The following FER variants were observed in gnomAD, a reference collection of about 807,000 sequenced individuals.
The protein encoded by FER is tyrosine-protein kinase Fer.
FER carries 63 observed loss-of-function variants against 111.0 expected under a neutral mutation model. The ratio of observed to expected loss-of-function variants is 0.57; its 90% CI spans 0.46 to 0.70. The LOEUF is 0.70. Ranked by LOEUF, FER falls within the 30% of genes least tolerant of loss-of-function variation. FER has a pLI of 0.00. For missense variants in FER, 914 were observed against 954.0 expected, an observed-to-expected ratio of 0.96 and a Z score of 0.55; for synonymous variants, 327 against 313.9, an observed-to-expected ratio of 1.04 and a Z score of -0.44.
chr5:108,946,652 T>G (rs1225211523), intron 11 of FER, among the ~76,000 whole-genome samples: 2 of 152,028 alleles, frequency 1.3e-5, no homozygotes, highest in African/African-American at 4.8e-5. Flanking sequence ...AACATTTTGA[T>G]TATAAAATTG....
intron 12 of FER, among the ~76,000 whole-genome samples, chr5:108,955,250 T>C (rs867257546): frequency 3.3e-4 from 50 of 151,772 alleles, no homozygotes; most frequent in African/African-American, 1.2e-3. Context: ...TTATTATAAA[T>C]TTTTTTCTAG....
intron 3 of FER, among the ~76,000 whole-genome samples, chr5:108,799,412 T>A (rs1756392752): frequency 2.0e-5 from 3 of 152,230 alleles, no homozygotes; most frequent in African/African-American, 7.2e-5. Context: ...AAAACTCTGT[T>A]ACCTGTGGAG....
chr5:109,174,699 C>T (rs867668886), intron 17 of FER, among the ~76,000 whole-genome samples: 4 of 152,202 alleles, frequency 2.6e-5, no homozygotes, highest in African/African-American at 9.6e-5. Flanking sequence ...TTTTAGGGGG[C>T]AGGGAGGGAG....
intron 13 of FER, among the ~76,000 whole-genome samples, chr5:108,977,824 T>C (rs916777544): frequency 2.6e-5 from 4 of 152,126 alleles, no homozygotes; most frequent in African/African-American, 9.7e-5. Context: ...GGTCAGACAC[T>C]TGTGAAGCGA....
rs573983511 is a variant in FER, at chr5:108,843,815, C to T, written c.481+8008C>T. On this transcript the variant is annotated intron_variant, in intron 5 of 19. Coordinates refer to ENST00000281092, the MANE Select transcript of FER (RefSeq NM_005246.4). Reference sequence around the variant, plus strand: ...GTGCTAGGATTACAGGTGTGAGCCACCATGCCTGGCTGAAAGTTGAAATTT... The same window carrying T: ...GTGCTAGGATTACAGGTGTGAGCCATCATGCCTGGCTGAAAGTTGAAATTT... 9.9e-5 allele frequency among the ~76,000 whole-genome samples: 15 copies of T among 152,004 alleles called. No homozygotes were observed. The South Asian group carries it at 1.5e-3, about 15-fold the overall frequency.
intron 14 of FER, among the ~76,000 whole-genome samples, chr5:109,043,728 T>C (rs1284579539): frequency 1.3e-5 from 2 of 152,138 alleles, no homozygotes; most frequent in Non-Finnish European, 2.9e-5. Context: ...ATCCCAGCAT[T>C]TTGGAAGGCC....
intron 2 of FER, among the ~76,000 whole-genome samples, chr5:108,786,711 A>T (rs1172875255): frequency 6.6e-6 from 1 of 152,154 alleles, no homozygotes; most frequent in Non-Finnish European, 1.5e-5. Flanking sequence ...TGTGTTAGCC[A>T]GAATGGTCTC....
chr5:109,108,519 T>A (rs556540204), intron 17 of FER, among the ~76,000 whole-genome samples: 1 of 152,214 alleles, frequency 6.6e-6, no homozygotes, highest in Non-Finnish European at 1.5e-5. Flanking sequence ...TCCCTCACAT[T>A]TCATGTCACA....
chr5:108,886,184 G>T (rs538552255), intron 9 of FER, among the ~76,000 whole-genome samples: 1 of 151,740 alleles, frequency 6.6e-6, no homozygotes, highest in African/African-American at 2.4e-5. Flanking sequence ...GAAGTTATGA[G>T]ATTATTTGAA....
chr5:109,143,110 G>T (rs1392142936), intron 17 of FER, among the ~76,000 whole-genome samples: 1 of 152,094 alleles, frequency 6.6e-6, no homozygotes, highest in African/African-American at 2.4e-5. Context: ...TTAAGAAGGA[G>T]TTCAGGGTCA....
intron 17 of FER, among the ~76,000 whole-genome samples, chr5:109,154,141 G>A (rs1218861143): frequency 6.6e-6 from 1 of 151,660 alleles, no homozygotes; most frequent in Non-Finnish European, 1.5e-5. Flanking sequence ...GTTCTGATAA[G>A]TCTCATAATT....
At chr5:109,154,824 G>T (rs1755196242) in intron 17 of FER, among the ~76,000 whole-genome samples, 1 of 151,798 alleles carries the variant, frequency 6.6e-6, no homozygotes, top group Admixed American at 6.6e-5. Context: ...AATAGTGAAA[G>T]ATCCAATATT....
chr5:109,121,799 G>A (rs933214176), intron 17 of FER, among the ~76,000 whole-genome samples: 2 of 152,022 alleles, frequency 1.3e-5, no homozygotes, highest in African/African-American at 4.8e-5. Flanking sequence ...TTCAGAATTT[G>A]GATTTCTTCA....
At chr5:109,129,666 C>T (rs1002012673) in intron 17 of FER, among the ~76,000 whole-genome samples, 1 of 151,980 alleles carries the variant, frequency 6.6e-6, no homozygotes, top group Non-Finnish European at 1.5e-5. Context: ...AGAACACGAA[C>T]AGTAAGTTCA....
At chr5:108,977,948 C>T (rs536467853) in intron 13 of FER, among the ~76,000 whole-genome samples, 3 of 152,090 alleles carry the variant, frequency 2.0e-5, no homozygotes, top group Non-Finnish European at 4.4e-5. Flanking sequence ...TGGGCCCAAG[C>T]GATCCTCCTG....
chr5:109,113,815 AT>A (rs1310358302), intron 17 of FER, among the ~76,000 whole-genome samples: 1 of 152,186 alleles, frequency 6.6e-6, no homozygotes, highest in Non-Finnish European at 1.5e-5. Flanking sequence ...TTACTCATGG[AT>A]AATGATATTT....
intron 9 of FER, among the ~76,000 whole-genome samples, chr5:108,893,573 T>G (rs1748533737): frequency 6.6e-6 from 1 of 152,098 alleles, no homozygotes; most frequent in South Asian, 2.1e-4. Flanking sequence ...GGCATAGTAA[T>G]GAGGATACCA....
chr5:109,133,455 T>TG (rs1752574660), intron 17 of FER, among the ~76,000 whole-genome samples: 1 of 152,204 alleles, frequency 6.6e-6, no homozygotes. Context: ...ATGATGAATT[T>TG]GGCTGGTTTC....
At chr5:108,844,996 G>GTATATATATATA (rs1178206742) in intron 5 of FER, among the ~76,000 whole-genome samples, 2 of 29,270 alleles carry the variant, frequency 6.8e-5, no homozygotes, top group Non-Finnish European at 1.4e-4. Flanking sequence ...GTGTGTGTGT[G>GTATATATATATA]TATATATATA....
Sources: allele counts gnomAD v4.1 joint callset (sites outside exome capture counted in the v4.1 genomes callset), GRCh38; gene constraint gnomAD v4.1.1; transcripts MANE v1.5; gene names NCBI Gene and HGNC (gene_info 2026-07-23, HGNC 2026-07-21).